Variants in TSC1 observed in about 807,000 individuals in gnomAD.
TSC1 encodes the protein TSC complex subunit 1.
A neutral mutation model predicts 124.3 loss-of-function variants in TSC1; 20 were observed. The ratio of observed to expected loss-of-function variants is 0.16; its 90% CI spans 0.11 to 0.23. The LOEUF is 0.23. TSC1 is among the 10% of genes least tolerant of loss of function. The probability of loss-of-function intolerance (pLI) is 1.00; values close to 1 mark genes in which losing one functional copy is unlikely to be tolerated. For missense variants in TSC1, 1,124 were observed against 1,448.5 expected (o/e 0.78, Z 3.64); for synonymous variants, 493 against 539.1 (o/e 0.91, Z 1.19).
intron 5 of TSC1, 21 bp downstream of exon 5, chr9:132,925,566 A>C: frequency 6.2e-7 from 1 of 1,614,082 alleles, no homozygotes; most frequent in Non-Finnish European, 8.5e-7. Context: ...CATTTCATTC[A>C]AATCCTTACA....
intron 2 of TSC1, among the ~76,000 whole-genome samples, chr9:132,929,805 AT>A: frequency 6.6e-6 from 1 of 152,188 alleles, no homozygotes. Context: ...TTTTGTCCCC[AT>A]TGTACAGGGA....
intron 16 of TSC1, 108 bp downstream of exon 16, chr9:132,904,303 G>C: frequency 3.2e-6 from 4 of 1,239,352 alleles, no homozygotes; most frequent in South Asian, 1.3e-5. Context: ...CGGAGCAATA[G>C]CCAAGGGGAG....
intron 8 of TSC1, among the ~76,000 whole-genome samples, chr9:132,918,151 T>C (rs887168809): frequency 6.6e-6 from 1 of 152,148 alleles, no homozygotes; most frequent in Non-Finnish European, 1.5e-5. Flanking sequence ...TCTTTGTTTT[T>C]AAATATAAAC....
intron 3 of TSC1, among the ~76,000 whole-genome samples, chr9:132,927,877 C>G (rs1295422267): frequency 5.3e-5 from 8 of 152,150 alleles, no homozygotes; most frequent in African/African-American, 1.9e-4. Flanking sequence ...GTTAAACATT[C>G]AGGCTATGTA....
intron 1 of TSC1, among the ~76,000 whole-genome samples, chr9:132,939,683 C>T (rs377723943): frequency 2.0e-4 from 30 of 152,314 alleles, no homozygotes; most frequent in African/African-American, 5.3e-4. Context: ...AAAGACACTA[C>T]GCAGAGCTTC....
chr9:132,932,295 A>G (rs1293088206), intron 2 of TSC1, among the ~76,000 whole-genome samples: 1 of 152,190 alleles, frequency 6.6e-6, no homozygotes, highest in Admixed American at 6.5e-5. Context: ...AGGCACTACC[A>G]TCAGTCTAAA....
At position 132,903,697 on chromosome 9, in the gene TSC1, C is replaced by A. The variant is rs769566267; in HGVS notation, c.2162G>T (p.Arg721Leu). Residue 721 changes from arginine to leucine, a missense_variant, in exon 17 of 23, where the codon CGC (arginine) becomes CTC (leucine). Physicochemically the swap from Arg to Leu is moderately radical, Grantham distance 102. Transcript: ENST00000298552. The surrounding 1 kb of genome is among the most constrained non-coding windows in gnomAD (Gnocchi z 5.9). Reference protein sequence around the residue: ...QHALRNRRLLRKVIKAAALEE... With the variant: ...QHALRNRRLLLKVIKAAALEE... ...CAGAGCTGCTGCTTTGATCACCTTGCGGAGGAGCCGCCTGTTCCGGAGGGC... is the reference window on the plus strand; with the variant it reads ...CAGAGCTGCTGCTTTGATCACCTTGAGGAGGAGCCGCCTGTTCCGGAGGGC... 2 of 1,612,918 alleles carry A rather than the reference C, an allele frequency of 1.2e-6. No individual in the cohort carries two copies. The highest frequency in any genetic ancestry group is 2.2e-5 in the East Asian group (1 of 44,876).
chr9:132,936,727 G>A (rs1311417318), intron 1 of TSC1, among the ~76,000 whole-genome samples: 2 of 152,172 alleles, frequency 1.3e-5, no homozygotes, highest in Non-Finnish European at 2.9e-5. Flanking sequence ...CCTGGCACCT[G>A]GCACACAAGA....
In TSC1 at chr9:132,897,587, G is replaced by C. The variant is rs1279318276; in HGVS notation, c.2649C>G (p.Ala883=). 1 of 1,589,054 alleles carries C rather than the reference G, an allele frequency of 6.3e-7. No individual in the cohort carries two copies. Among genetic ancestry groups the C allele is most frequent in the African/African-American group, 1.4e-5 (1 of 71,760 alleles). ...TTKEVEMMKA[A]YRKELEKNRS... is the part of the protein sequence containing the mutation. The stretch of plus-strand genomic sequence containing the variant: ...TGTTTTTTTCTAGCTCTTTCCGATA[G>C]GCGGCTTTCATCATTTCTACTTCCT... Residue 883 remains alanine (A), a synonymous_variant, in exon 21 of 23, where the codon GCC becomes GCG. Coordinates refer to ENST00000298552, the MANE Select transcript of TSC1 (RefSeq NM_000368.5).
chr9:132,924,407 A>G (rs1231545252), intron 5 of TSC1, among the ~76,000 whole-genome samples: 1 of 152,240 alleles, frequency 6.6e-6, no homozygotes, highest in East Asian at 1.9e-4. Flanking sequence ...TCCAGTAAGA[A>G]TAATATATTG....
chr9:132,924,793 A>C (rs1456731174), intron 5 of TSC1: 1 of 152,188 alleles, frequency 6.6e-6, no homozygotes, highest in Non-Finnish European at 1.5e-5. Flanking sequence ...ATACCCTGCC[A>C]ATGTGACTCC....
At chr9:132,919,646 C>T (rs149649799) in intron 8 of TSC1, among the ~76,000 whole-genome samples, 10 of 152,294 alleles carry the variant, frequency 6.6e-5, no homozygotes, top group South Asian at 6.2e-4. Flanking sequence ...TCCTATTAAA[C>T]AAGAGTAAAC....
At chr9:132,932,451 G>A (rs1370222667) in intron 2 of TSC1, among the ~76,000 whole-genome samples, 1 of 152,118 alleles carries the variant, frequency 6.6e-6, no homozygotes, top group East Asian at 1.9e-4. Context: ...TACTCTCCTT[G>A]CTTGTATTCA....
intron 4 of TSC1, 188 bp from the exon 5 acceptor site, chr9:132,925,927 C>G: frequency 1.3e-6 from 1 of 742,162 alleles, no homozygotes; most frequent in Non-Finnish European, 2.2e-6. Context: ...TGCATTTGGC[C>G]TGACAAAAGG....
chr9:132,922,542 A>T (rs1222214645), intron 6 of TSC1, among the ~76,000 whole-genome samples: 3 of 152,224 alleles, frequency 2.0e-5, no homozygotes, highest in Non-Finnish European at 4.4e-5. Context: ...AATTAGCTTA[A>T]AGAACTAAGA....
chr9:132,905,743 A>C lies in TSC1; in HGVS notation c.1835T>G (p.Leu612Trp). The C allele has an allele frequency of 1.2e-6, 2 of 1,614,178 alleles. No homozygotes were observed. The highest frequency in any genetic ancestry group is 1.7e-6 in the Non-Finnish European group (2 of 1,180,034). Residue 612 changes from leucine (L) to tryptophan (W), a missense_variant, in exon 15 of 23, where the codon TTG (leucine) becomes TGG (tryptophan). By Grantham distance (61) the Leu-to-Trp change is moderately conservative. Coordinates refer to ENST00000298552, the MANE Select transcript of TSC1 (RefSeq NM_000368.5). The part of the protein sequence containing the change: ...PPYDHLFEVA[L>W]PKTAHHFVIR... Reference sequence around the variant, plus strand: ...GACAAAATGATGGGCTGTCTTTGGCAATGCCACCTCAAAAAGATGATCATA... The same window carrying C: ...GACAAAATGATGGGCTGTCTTTGGCCATGCCACCTCAAAAAGATGATCATA...
Position 132,903,811 on chromosome 9 carries a change from G to A in TSC1, c.2048C>T (p.Pro683Leu), listed in dbSNP as rs1413960643. ...SVDWTHFGGS[P>L]PSDEIRTLRD... ...GAGGGTGCGGATCTCATCTGAAGGA[G>A]GAGAGCCTGATTGTAAAGCAGAGGG... Residue 683 changes from proline (P) to leucine (L), a missense_variant, in exon 17 of 23, where the codon CCT becomes CTT. Pro to Leu is a moderately conservative substitution (Grantham distance 98). This residue lies in a region of TSC1 where 321 missense variants were observed against 397.4 expected (regional missense o/e 0.81). Transcript: ENST00000298552. This position sits in a 1 kb window ranked among gnomAD's most constrained non-coding sequence, Gnocchi z 5.9. The A allele has an allele frequency of 6.2e-7, 1 of 1,613,898 alleles. No individual in the cohort carries two copies. The highest frequency in any genetic ancestry group is 8.5e-7 in the Non-Finnish European group (1 of 1,180,024).
At position 132,898,302 on chromosome 9, in the gene TSC1, A is replaced by G. The variant is rs553726073; in HGVS notation, c.2626-692T>C. On this transcript the variant is annotated intron_variant, in intron 20 of 22. Coordinates refer to ENST00000298552, the MANE Select transcript of TSC1 (RefSeq NM_000368.5). ...CAGATTGGAACAGCTTGAAACCCAG[A>G]GCAAGTACACACTAATGCTCAGAAA... Among the ~76,000 whole-genome samples, 27 of 152,364 alleles carry G rather than the reference A, an allele frequency of 1.8e-4. 1 individual carries two copies. In the South Asian group the frequency reaches 5.6e-3, roughly 32 times the overall value.
At chr9:132,916,500 A>T (rs1260800268) in intron 8 of TSC1, among the ~76,000 whole-genome samples, 1 of 152,210 alleles carries the variant, frequency 6.6e-6, no homozygotes, top group Non-Finnish European at 1.5e-5. Context: ...TGCTCTCAAA[A>T]TAAATATGTA....
Sources: allele counts gnomAD v4.1 joint callset (sites outside exome capture counted in the v4.1 genomes callset), GRCh38; gene constraint gnomAD v4.1.1; regional missense constraint gnomAD v4.1.1; non-coding constraint Gnocchi (gnomAD v3.1); transcripts MANE v1.5; gene names NCBI Gene and HGNC (gene_info 2026-07-23, HGNC 2026-07-21).